Variants in DMD observed in about 807,000 individuals in gnomAD.
DMD encodes mutant dystrophin.
In DMD, 63 loss-of-function variants were observed where a neutral mutation model predicts 330.1. That is an observed-to-expected ratio of 0.19 (90% CI 0.16 to 0.24). The LOEUF is 0.24. Ranked by LOEUF, DMD falls within the 10% of genes least tolerant of loss-of-function variation. DMD has a pLI of 1.00. For synonymous variants in DMD, 1,223 were observed against 959.8 expected, an observed-to-expected ratio of 1.27 and a Z score of -5.07; for missense variants, 3,344 against 2,684.1, an observed-to-expected ratio of 1.25 and a Z score of -5.43.
Position 32,683,333 on chromosome X carries a change from T to C in DMD, c.960+14537A>G, listed in dbSNP as rs7887244. On this transcript the variant is annotated intron_variant, in intron 9 of 78. Transcript: ENST00000357033. The stretch of plus-strand genomic sequence containing the variant: ...ATTATAAATCATGCTGCTATAAAGA[T>C]ACATGTACACGTATGCTTATTGTGG... Among the ~76,000 whole-genome samples the C allele has an allele frequency of 8.7e-4, 96 of 110,631 alleles. 1 individual carries two copies. Among genetic ancestry groups the C allele is most frequent in the Admixed American group, 6.5e-3 (67 of 10,334 alleles).
chrX:32,013,920 G>T (rs1437523715), intron 44 of DMD, among the ~76,000 whole-genome samples: 1 of 112,072 alleles, frequency 8.9e-6, no homozygotes, highest in Non-Finnish European at 1.9e-5. Flanking sequence ...ATCCATACAT[G>T]ATTTATTTAG....
At chrX:32,560,289 A>T (rs2050843225) in intron 16 of DMD, among the ~76,000 whole-genome samples, 1 of 110,857 alleles carries the variant, frequency 9.0e-6, no homozygotes, top group African/African-American at 3.3e-5. Context: ...ATGGCGTAAT[A>T]TGATAATTAC....
At chrX:32,996,959 C>T (rs1454467558) in intron 2 of DMD, among the ~76,000 whole-genome samples, 1 of 111,830 alleles carries the variant, frequency 8.9e-6, no homozygotes, top group East Asian at 2.8e-4. Context: ...TGAAATAAAA[C>T]AGATTAATGA....
chrX:32,567,121 C>A (rs1472391870), intron 15 of DMD, among the ~76,000 whole-genome samples: 1 of 111,605 alleles, frequency 9.0e-6, no homozygotes, highest in East Asian at 2.8e-4. Flanking sequence ...GCATTGATAG[C>A]TCTGAACTGC....
rs1015120085 is a variant in DMD at position 31,539,105 on chromosome X, T to C, written c.8218-31652A>G. 3.6e-5 allele frequency among the ~76,000 whole-genome samples: 4 copies of C among 112,054 alleles called. No homozygotes were observed. In the East Asian group the frequency reaches 1.1e-3, roughly 31 times the overall value. On this transcript the variant is annotated intron_variant, in intron 55 of 78. Coordinates refer to ENST00000357033, the MANE Select transcript of DMD (RefSeq NM_004006.3). Reference sequence around the variant, plus strand: ...TAGCCTAGAGATGACAAAGAGGTTTTACCTATGTGCTAACTCTCATTAGTG... The same window carrying C: ...TAGCCTAGAGATGACAAAGAGGTTTCACCTATGTGCTAACTCTCATTAGTG...
chrX:32,154,308 A>G (rs894525421), intron 44 of DMD, among the ~76,000 whole-genome samples: 2 of 112,125 alleles, frequency 1.8e-5, no homozygotes, highest in African/African-American at 6.5e-5. Context: ...TTTTTTCTAA[A>G]CTCTTACTGA....
At chrX:31,840,545 ACTG>A (rs1451180602) in intron 48 of DMD, among the ~76,000 whole-genome samples, 1 of 91,319 alleles carries the variant, frequency 1.1e-5, no homozygotes, top group Non-Finnish European at 2.1e-5. Context: ...CTCTGCAGAT[ACTG>A]CTTTTTTTTT....
At chrX:32,324,562 T>C (rs890328365) in intron 41 of DMD, among the ~76,000 whole-genome samples, 1 of 111,543 alleles carries the variant, frequency 9.0e-6, no homozygotes, top group Non-Finnish European at 1.9e-5. Context: ...AGAGAACCAT[T>C]GTAATGACAA....
chrX:32,781,622 T>G (rs950039380), intron 7 of DMD, among the ~76,000 whole-genome samples: 8 of 109,957 alleles, frequency 7.3e-5, no homozygotes, highest in African/African-American at 2.0e-4. Context: ...TTGCTGCTGC[T>G]TGTGAATGTG....
intron 1 of DMD, among the ~76,000 whole-genome samples, chrX:33,280,296 A>C (rs1379420744): frequency 8.9e-6 from 1 of 112,077 alleles, no homozygotes; most frequent in Non-Finnish European, 1.9e-5. Context: ...ATTTCTTCTT[A>C]ACAGAATATT....
rs1255558960 is a variant in DMD at position 32,697,975 on chromosome X, T to A, written c.855A>T (p.Gly285=). The change falls in exon 9 of 79, where the codon GGA becomes GGT. Residue 285 remains glycine (G), a synonymous_variant. Transcript: ENST00000357033. ...GCTTAGGGGAAGAAGTTCTCTCATATCCCTGTGCTAGACTGACCGTGATCT... is the reference window on the plus strand; with the variant it reads ...GCTTAGGGGAAGAAGTTCTCTCATAACCCTGTGCTAGACTGACCGTGATCT... ...SQQITVSLAQ[G]YERTSSPKPR... is the part of the protein sequence containing the mutation. The A allele has an allele frequency of 1.7e-6, 2 of 1,199,505 alleles. No individual in the cohort carries two copies. The highest frequency in any genetic ancestry group is 2.3e-5 in the Admixed American group (1 of 44,305).
intron 41 of DMD, among the ~76,000 whole-genome samples, chrX:32,330,538 G>A (rs774347574): frequency 8.0e-5 from 9 of 111,949 alleles, no homozygotes; most frequent in Admixed American, 4.8e-4. Flanking sequence ...CTCCCTTCCA[G>A]CTGGTGTTCC....
chrX:31,789,481 A>C (rs1359138226), intron 50 of DMD, among the ~76,000 whole-genome samples: 1 of 111,540 alleles, frequency 9.0e-6, no homozygotes, highest in African/African-American at 3.2e-5. Flanking sequence ...TTTTTAGTAG[A>C]GATCACACAA....
chrX:31,746,099 A>C (rs1197119466), intron 51 of DMD, among the ~76,000 whole-genome samples: 1 of 112,402 alleles, frequency 8.9e-6, no homozygotes, highest in Non-Finnish European at 1.9e-5. Flanking sequence ...TTTGTTAAAA[A>C]TGCATTCAAC....
intron 55 of DMD, among the ~76,000 whole-genome samples, chrX:31,604,927 G>A (rs2077539605): frequency 8.9e-6 from 1 of 112,072 alleles, no homozygotes; most frequent in African/African-American, 3.2e-5. Context: ...TAAAACTGCT[G>A]TTTTCAATTG....
At chrX:32,815,520 T>TATATATATATATATACACACACACAC in intron 6 of DMD, among the ~76,000 whole-genome samples, 13 of 78,910 alleles carry the variant, frequency 1.6e-4, no homozygotes, top group Admixed American at 6.1e-4. Flanking sequence ...TATATATATA[T>TATATATATATATATACACACACACAC]ACACACACAC....
chrX:31,335,984 C>T (rs1426435893), intron 61 of DMD, among the ~76,000 whole-genome samples: 5 of 112,489 alleles, frequency 4.4e-5, no homozygotes, highest in Non-Finnish European at 3.8e-5. Flanking sequence ...CTGAGTTGGG[C>T]CAAAATGGCC....
intron 40 of DMD, chrX:32,342,489 G>A: frequency 7.2e-6 from 3 of 416,378 alleles, no homozygotes; most frequent in Non-Finnish European, 1.2e-5. Context: ...CTTGGTTTTA[G>A]ATATTCTAAT....
intron 7 of DMD, among the ~76,000 whole-genome samples, chrX:32,783,043 T>C (rs745763032): frequency 5.2e-5 from 5 of 96,234 alleles, no homozygotes; most frequent in African/African-American, 9.1e-5. Flanking sequence ...TTTATATATA[T>C]ACACACACAT....
Sources: allele counts gnomAD v4.1 joint callset (sites outside exome capture counted in the v4.1 genomes callset), GRCh38; gene constraint gnomAD v4.1.1; transcripts MANE v1.5; gene names NCBI Gene and HGNC (gene_info 2026-07-23, HGNC 2026-07-21).